SMAD1: variants seen among roughly 807,000 people sequenced by gnomAD.
SMAD1 encodes MAD, mothers against decapentaplegic homolog 1.
In SMAD1, 6 loss-of-function variants were observed where a neutral mutation model predicts 41.6. The ratio of observed to expected loss-of-function variants is 0.14; its 90% CI spans 0.08 to 0.28. SMAD1 has a LOEUF of 0.28. Ranked by LOEUF, SMAD1 falls within the 10% of genes least tolerant of loss-of-function variation. The pLI is 1.00. For synonymous variants in SMAD1, 206 were observed against 203.2 expected (o/e 1.01, Z -0.12); for missense variants, 379 against 582.6 (o/e 0.65, Z 3.60).
rs1020224495 is a variant in SMAD1 at position 145,519,025 on chromosome 4, T to C, written c.400+4012T>C. ...ATGTGTATTTGCTTATTTCTTTCTT[T>C]TTCTTTTTTTCTCTTTTTTTTACTG... On this transcript the variant is annotated intron_variant, in intron 2 of 6. Coordinates refer to ENST00000302085, the MANE Select transcript of SMAD1 (RefSeq NM_005900.3). Among the ~76,000 whole-genome samples, 2 of 124,068 alleles carry C rather than the reference T, an allele frequency of 1.6e-5. 1 individual carries two copies. The highest frequency in any genetic ancestry group is 4.0e-5 in the Non-Finnish European group (2 of 50,424). 81.4% of individuals were successfully genotyped at this position (124,068 alleles called of 152,430 possible).
At chr4:145,542,913 AT>A (rs1732033113) in intron 4 of SMAD1, among the ~76,000 whole-genome samples, 1 of 152,204 alleles carries the variant, frequency 6.6e-6, no homozygotes, top group South Asian at 2.1e-4. Context: ...TCTGAGAATA[AT>A]TTTGCAGTTA....
intron 1 of SMAD1, among the ~76,000 whole-genome samples, chr4:145,498,851 A>G (rs1486690309): frequency 6.6e-6 from 1 of 152,174 alleles, no homozygotes; most frequent in Non-Finnish European, 1.5e-5. Flanking sequence ...AATTTATTTA[A>G]TCATTCCATT....
intron 5 of SMAD1, among the ~76,000 whole-genome samples, chr4:145,551,050 A>T (rs1732531431): frequency 6.6e-6 from 1 of 152,222 alleles, no homozygotes; most frequent in Non-Finnish European, 1.5e-5. Flanking sequence ...TCTGAATATT[A>T]CCTGGAAGGA....
At chr4:145,513,357 G>A (rs1428466674) in intron 1 of SMAD1, 1 of 152,140 alleles carries the variant, frequency 6.6e-6, no homozygotes, top group African/African-American at 2.4e-5. Context: ...GGTCTGATAC[G>A]TGCTACTCCA....
intron 6 of SMAD1, among the ~76,000 whole-genome samples, chr4:145,555,733 TTTCA>T (rs532794662): frequency 2.3e-4 from 35 of 152,194 alleles, no homozygotes; most frequent in Non-Finnish European, 5.0e-4. Context: ...ATTTATTAGA[TTTCA>T]TTCATTCAGC....
At chr4:145,544,928 C>T (rs1174626065) in intron 4 of SMAD1, 1 of 152,118 alleles carries the variant, frequency 6.6e-6, no homozygotes, top group East Asian at 1.9e-4. Flanking sequence ...TTTCAGGAAA[C>T]AGATCTTTAA....
intron 2 of SMAD1, among the ~76,000 whole-genome samples, chr4:145,523,414 C>T (rs1448285616): frequency 1.3e-5 from 2 of 152,168 alleles, no homozygotes; most frequent in Non-Finnish European, 1.5e-5. Context: ...GCAGAAAGGA[C>T]TTAAATCAGT....
At chr4:145,512,102 T>C (rs995279018) in intron 1 of SMAD1, among the ~76,000 whole-genome samples, 2 of 152,246 alleles carry the variant, frequency 1.3e-5, no homozygotes, top group African/African-American at 4.8e-5. Flanking sequence ...CTGGTTTCCA[T>C]TGTTTATGCT....
chr4:145,552,658 T>C (rs1014121223), intron 5 of SMAD1, among the ~76,000 whole-genome samples: 2 of 152,196 alleles, frequency 1.3e-5, no homozygotes, highest in African/African-American at 4.8e-5. Flanking sequence ...TCTTATATCT[T>C]ACAGCTTTCG....
chr4:145,532,878 C>T (rs927277508), intron 2 of SMAD1, among the ~76,000 whole-genome samples: 27 of 152,332 alleles, frequency 1.8e-4, no homozygotes, highest in African/African-American at 6.3e-4. Flanking sequence ...GCTGGTAAAT[C>T]TCTCACCCAA....
intron 2 of SMAD1, among the ~76,000 whole-genome samples, chr4:145,527,227 CT>C (rs368437867): frequency 0.16 from 23,636 of 143,352 alleles, 4,027 homozygotes; most frequent in African/African-American, 0.45. Flanking sequence ...TCATTTAATT[CT>C]TTTTTTTTTT....
Position 145,515,199 on chromosome 4 carries a change from A to G in SMAD1, c.400+186A>G, listed in dbSNP as rs7698944. 0.18 allele frequency among the ~76,000 whole-genome samples: 27,793 copies of G among 150,814 alleles called. 5,891 individuals are homozygous for G. Among genetic ancestry groups the G allele is most frequent in the African/African-American group, 0.51 (20,998 of 40,872 alleles). ...GTGTCTGTGTGAATGCAAGAGAGAA[A>G]GCCCCTGAGTGTTTCATACATTTTA... On this transcript the variant is annotated intron_variant, in intron 2 of 6. Transcript: ENST00000302085.
chr4:145,551,945 C>T (rs893159993), intron 5 of SMAD1, among the ~76,000 whole-genome samples: 16 of 152,150 alleles, frequency 1.1e-4, no homozygotes, highest in African/African-American at 3.9e-4. Context: ...ACTATAAAAG[C>T]AGAACATTGC....
At chr4:145,541,746 T>G (rs1731950758) in intron 3 of SMAD1, among the ~76,000 whole-genome samples, 1 of 152,190 alleles carries the variant, frequency 6.6e-6, no homozygotes, top group Non-Finnish European at 1.5e-5. Flanking sequence ...ACATTCACGA[T>G]TCCCTCAGGT....
At chr4:145,552,668 G>A (rs969282675) in intron 5 of SMAD1, among the ~76,000 whole-genome samples, 2 of 151,816 alleles carry the variant, frequency 1.3e-5, no homozygotes, top group Non-Finnish European at 2.9e-5. Context: ...TACAGCTTTC[G>A]GCAATACTTC....
intron 1 of SMAD1, among the ~76,000 whole-genome samples, chr4:145,510,478 A>G (rs142437933): frequency 2.0e-5 from 3 of 151,934 alleles, no homozygotes; most frequent in Non-Finnish European, 4.4e-5. Flanking sequence ...AATATTTTCT[A>G]TTTCCTCTAT....
chr4:145,496,822 A>G (rs1729103703), intron 1 of SMAD1, among the ~76,000 whole-genome samples: 1 of 152,084 alleles, frequency 6.6e-6, no homozygotes, highest in Non-Finnish European at 1.5e-5. Flanking sequence ...ACCACCTACC[A>G]CTTTCTCCCT....
intron 1 of SMAD1, among the ~76,000 whole-genome samples, chr4:145,495,779 CTT>C (rs397938427): frequency 5.1e-4 from 60 of 117,398 alleles, no homozygotes; most frequent in East Asian, 2.1e-3. Flanking sequence ...CAGTGCTTGG[CTT>C]TTTTTTTTTT....
intron 2 of SMAD1, 30 bp from the exon 3 acceptor site, chr4:145,539,774 T>C (rs778162702): frequency 1.9e-6 from 3 of 1,605,778 alleles, no homozygotes; most frequent in Admixed American, 1.7e-5. Context: ...CTCATGTTTG[T>C]CCTTCTCTTT....
Sources: allele counts gnomAD v4.1 joint callset (sites outside exome capture counted in the v4.1 genomes callset), GRCh38; gene constraint gnomAD v4.1.1; transcripts MANE v1.5; gene names NCBI Gene and HGNC (gene_info 2026-07-23, HGNC 2026-07-21).